Variants in SDK1 observed in about 807,000 individuals in gnomAD.
The protein encoded by SDK1 is protein sidekick-1.
In SDK1, 157 loss-of-function variants were observed where a neutral mutation model predicts 245.5. The ratio of observed to expected loss-of-function variants is 0.64; its 90% confidence interval spans 0.56 to 0.73. SDK1 has a LOEUF of 0.73. Ranked by LOEUF, SDK1 falls within the 30% of genes least tolerant of loss-of-function variation. SDK1 has a pLI of 0.00. For synonymous variants in SDK1, 1,647 were observed against 1,278.5 expected, an observed-to-expected ratio of 1.29 and a Z score of -6.15; for missense variants, 3,583 against 3,002.3, an observed-to-expected ratio of 1.19 and a Z score of -4.52.
chr7:3,358,194 G>T (rs1225222388), intron 1 of SDK1, among the ~76,000 whole-genome samples: 1 of 151,926 alleles, frequency 6.6e-6, no homozygotes, highest in Admixed American at 6.6e-5. Flanking sequence ...GCTAATTTTT[G>T]TATTTTTAGT....
At position 3,951,748 on chromosome 7, in the gene SDK1, T is replaced by G. The variant is rs143138762; in HGVS notation, c.978T>G (p.Ser326Arg). ...CCCACAGGCCTGTGGAGGACCTGAGTGTGACCTGGAAGAGGAATGGAGTGA... is the reference window on the plus strand; with the variant it reads ...CCCACAGGCCTGTGGAGGACCTGAGGGTGACCTGGAAGAGGAATGGAGTGA... Reference protein sequence around the residue: ...IASARPVEDLSVTWKRNGVRI... With the variant: ...IASARPVEDLRVTWKRNGVRI... Residue 326 changes from serine (S) to arginine (R), a missense_variant, in exon 7 of 45, where the codon AGT (serine) becomes AGG (arginine). Coordinates refer to ENST00000404826, the MANE Select transcript of SDK1 (RefSeq NM_152744.4). The G allele has an allele frequency of 1.9e-6, 3 of 1,613,378 alleles. No individual in the cohort carries two copies. The highest frequency in any genetic ancestry group is 2.5e-6 in the Non-Finnish European group (3 of 1,179,964).
intron 2 of SDK1, among the ~76,000 whole-genome samples, chr7:3,625,359 G>T (rs1003823254): frequency 1.3e-5 from 2 of 152,132 alleles, no homozygotes; most frequent in Non-Finnish European, 2.9e-5. Context: ...TAAGTTAAAA[G>T]GTAAGCAACA....
chr7:3,778,124 G>T (rs903385645), intron 4 of SDK1, among the ~76,000 whole-genome samples: 1 of 152,136 alleles, frequency 6.6e-6, no homozygotes, highest in Non-Finnish European at 1.5e-5. Flanking sequence ...TTCCCATGCC[G>T]TCGTGTCTCC....
At chr7:3,450,083 C>G (rs756910580) in intron 1 of SDK1, among the ~76,000 whole-genome samples, 1 of 152,120 alleles carries the variant, frequency 6.6e-6, no homozygotes, top group Non-Finnish European at 1.5e-5. Flanking sequence ...GAGGAGCTTT[C>G]AACTAGGGGT....
intron 4 of SDK1, among the ~76,000 whole-genome samples, chr7:3,794,748 T>C (rs973904738): frequency 6.6e-6 from 1 of 152,116 alleles, no homozygotes; most frequent in African/African-American, 2.4e-5. Flanking sequence ...TCTGTATAGA[T>C]CACCCAATTT....
chr7:3,552,034 C>G (rs978476162), intron 1 of SDK1, among the ~76,000 whole-genome samples: 1 of 151,778 alleles, frequency 6.6e-6, no homozygotes, highest in Admixed American at 6.6e-5. Context: ...TTTTACTCTT[C>G]TTCTTCTTCT....
intron 21 of SDK1, among the ~76,000 whole-genome samples, chr7:4,078,031 C>A (rs73671518): frequency 0.017 from 2,557 of 152,308 alleles, 70 homozygotes; most frequent in African/African-American, 0.059. Context: ...AATGGGTTAG[C>A]TGACCTCCGG....
At chr7:3,454,642 C>T (rs1401675856) in intron 1 of SDK1, among the ~76,000 whole-genome samples, 9 of 152,094 alleles carry the variant, frequency 5.9e-5, no homozygotes, top group Admixed American at 5.9e-4. Context: ...CAGCATAATT[C>T]TCTTGGAAAT....
intron 4 of SDK1, among the ~76,000 whole-genome samples, chr7:3,735,871 C>G (rs1184382300): frequency 1.3e-5 from 2 of 152,098 alleles, no homozygotes; most frequent in African/African-American, 4.8e-5. Context: ...TAAATAATGG[C>G]CATCCTAATG....
chr7:3,991,576 C>T (rs1054570375), intron 14 of SDK1, among the ~76,000 whole-genome samples: 2 of 152,190 alleles, frequency 1.3e-5, no homozygotes, highest in Non-Finnish European at 2.9e-5. Flanking sequence ...AGGTGTCCAG[C>T]TGCTTAATTT....
chr7:4,210,880 G>A (rs1198128438), intron 38 of SDK1, among the ~76,000 whole-genome samples: 3 of 152,218 alleles, frequency 2.0e-5, no homozygotes, highest in Non-Finnish European at 2.9e-5. Context: ...AGAGAGGAGG[G>A]CTAACACAAG....
chr7:4,104,995 T>A (rs1334356512), intron 22 of SDK1, among the ~76,000 whole-genome samples: 1 of 152,074 alleles, frequency 6.6e-6, no homozygotes, highest in Non-Finnish European at 1.5e-5. Flanking sequence ...ATTTATTTAT[T>A]CTTTTGAGAT....
At chr7:4,167,889 A>G (rs982597583) in intron 32 of SDK1, among the ~76,000 whole-genome samples, 52 of 152,318 alleles carry the variant, frequency 3.4e-4, no homozygotes, top group African/African-American at 9.4e-4. Context: ...CCAAGCTTGT[A>G]CTGCAAGGTG....
At chr7:4,036,831 G>A (rs1023604312) in intron 17 of SDK1, among the ~76,000 whole-genome samples, 4 of 152,148 alleles carry the variant, frequency 2.6e-5, no homozygotes, top group African/African-American at 9.7e-5. Context: ...GGCCATCCCA[G>A]CTTGCAGAAC....
At chr7:3,466,979 TA>T (rs1484461188) in intron 1 of SDK1, among the ~76,000 whole-genome samples, 1 of 127,594 alleles carries the variant, frequency 7.8e-6, no homozygotes, top group South Asian at 2.9e-4. Context: ...TCTCTCTCTC[TA>T]CACACACACA....
chr7:3,601,435 G>C (rs1781251949), intron 1 of SDK1, among the ~76,000 whole-genome samples: 1 of 151,756 alleles, frequency 6.6e-6, no homozygotes. Context: ...ATTTCATTTT[G>C]GCTGAATTTT....
At chr7:3,859,098 G>A (rs7785577) in intron 5 of SDK1, among the ~76,000 whole-genome samples, 8,040 of 151,864 alleles carry the variant, frequency 0.053, 688 homozygotes, top group African/African-American at 0.18. Context: ...TCCTGACCTC[G>A]TGATCCGCCC....
rs560323629 is a variant in SDK1, at chr7:3,689,100, G to A, written c.713+46995G>A. Among the ~76,000 whole-genome samples, 4 of 152,326 alleles carry A rather than the reference G, an allele frequency of 2.6e-5. No individual in the cohort carries two copies. The East Asian group carries it at 5.8e-4, about 22-fold the overall frequency. ...TGGTTTTTCCAGTTCTACATGTGGA[G>A]TTGAGTAGTTGTGACAGGGATGGAC... is the stretch of plus-strand genomic sequence containing the variant. On this transcript the variant is annotated intron_variant, in intron 4 of 44. Coordinates refer to ENST00000404826, the MANE Select transcript of SDK1 (RefSeq NM_152744.4).
At chr7:3,576,392 C>G (rs1373077023) in intron 1 of SDK1, among the ~76,000 whole-genome samples, 1 of 152,018 alleles carries the variant, frequency 6.6e-6, no homozygotes, top group Admixed American at 6.6e-5. Flanking sequence ...CTGTGTGTTA[C>G]CTGGTTAGAG....
Sources: allele counts gnomAD v4.1 joint callset (sites outside exome capture counted in the v4.1 genomes callset), GRCh38; gene constraint gnomAD v4.1.1; transcripts MANE v1.5; gene names NCBI Gene and HGNC (gene_info 2026-07-23, HGNC 2026-07-21).